Variants in FCN3 observed in about 807,000 individuals in gnomAD.
FCN3 encodes the protein ficolin 3, also known as ficolin-3.
FCN3 carries 28 observed loss-of-function variants against 31.5 expected under a neutral mutation model. The ratio of observed to expected loss-of-function variants is 0.89; its 90% CI spans 0.66 to 1.22. FCN3 has a LOEUF of 1.22. FCN3 is among the 50% of genes most tolerant of loss of function. FCN3 has a pLI of 0.00. For missense variants in FCN3, 351 were observed against 386.8 expected, an observed-to-expected ratio of 0.91 and a Z score of 0.78; for synonymous variants, 124 against 147.4, an observed-to-expected ratio of 0.84 and a Z score of 1.15.
intron 2 of FCN3, 92 bp from the exon 3 acceptor site, chr1:27,374,101 A>T (rs939878899): frequency 1.2e-5 from 14 of 1,160,182 alleles, no homozygotes; most frequent in Non-Finnish European, 1.8e-5. Context: ...TTCAAATCCC[A>T]GTTTCACCCT....
chr1:27,369,596 G>C (rs2016104461), intron 7 of FCN3, 119 bp from the exon 8 acceptor site: 1 of 911,602 alleles, frequency 1.1e-6, no homozygotes, highest in Non-Finnish European at 1.7e-6. Context: ...GGCCCCACGA[G>C]CAACACCAAG....
In FCN3 at chr1:27,373,133, C is replaced by A. The variant is rs746006129; in HGVS notation, c.393+3G>T. On this transcript the variant is annotated splice_donor_region_variant and intron_variant, in intron 5 of 7. Coordinates refer to ENST00000270879, the MANE Select transcript of FCN3 (RefSeq NM_003665.4). ...CCTGTTAGCCCATTTCTCAGACACT[C>A]ACCAGCCAGCCGCCCCCCTCGGTGT... is the stretch of plus-strand genomic sequence containing the variant. 9 of 1,613,354 alleles carry A rather than the reference C, an allele frequency of 5.6e-6. No individual in the cohort carries two copies. The East Asian group carries it at 2.0e-4, about 36-fold the overall frequency.
At position 27,373,523 on chromosome 1, in the gene FCN3, G is replaced by A. The variant is rs891856142; in HGVS notation, c.233-3C>T. 19 of 1,613,900 alleles carry A rather than the reference G, an allele frequency of 1.2e-5. No homozygotes were observed. The highest frequency in any genetic ancestry group is 1.4e-5 in the Non-Finnish European group (17 of 1,179,974). ...CCGGAGCAGGTTCACTGGATCTCCTGCCCCAGAGAAGGGATGAGTGTTGGC... is the reference window on the plus strand; with the variant it reads ...CCGGAGCAGGTTCACTGGATCTCCTACCCCAGAGAAGGGATGAGTGTTGGC... On this transcript the variant is annotated splice_polypyrimidine_tract_variant and splice_region_variant and intron_variant, in intron 3 of 7. Coordinates refer to ENST00000270879, the MANE Select transcript of FCN3 (RefSeq NM_003665.4).
chr1:27,374,328 TCCCAGCCCGCTC>T lies in FCN3; in HGVS notation c.187+16_187+27del, dbSNP rs756753982. The T allele has an allele frequency of 1.0e-5, 16 of 1,537,904 alleles. No individual in the cohort carries two copies. The highest frequency in any genetic ancestry group is 5.5e-5 in the African/African-American group (4 of 73,204). On this transcript the variant is annotated intron_variant, in intron 2 of 7. Transcript: ENST00000270879. ...TTTCCTGCCTTCCCCATTCCCAAGATCCCAGCCCGCTCCCCAGCCCCTCTCACCTTGAGGACC... is the reference window on the plus strand; with the variant it reads ...TTTCCTGCCTTCCCCATTCCCAAGATCCCAGCCCCTCTCACCTTGAGGACC...
intron 7 of FCN3, 54 bp downstream of exon 7, chr1:27,370,542 C>A: frequency 1.3e-6 from 2 of 1,504,938 alleles, no homozygotes; most frequent in South Asian, 1.1e-5. Flanking sequence ...GGGGCAGTGG[C>A]AGCACTGGGA....
In FCN3 at chr1:27,370,639, G is replaced by A. The variant is rs896408264; in HGVS notation, c.615C>T (p.Asp205=). ...ACTTGCCCAGTGCCAGCTGGTAGTG[G>A]TCTACCTCACCGAGGAGGCGGAAGG... is the stretch of plus-strand genomic sequence containing the variant. The part of the protein sequence containing the change: ...YATFRLLGEV[D]HYQLALGKFS... Residue 205 remains aspartate (D), a synonymous_variant, in exon 7 of 8, where the codon GAC becomes GAT. Coordinates refer to ENST00000270879, the MANE Select transcript of FCN3 (RefSeq NM_003665.4). 1 of 1,614,242 alleles carries A rather than the reference G, an allele frequency of 6.2e-7. No homozygotes were observed. The highest frequency in any genetic ancestry group is 8.5e-7 in the Non-Finnish European group (1 of 1,180,048).
At chr1:27,371,525 G>A (rs367623630) in intron 5 of FCN3, among the ~76,000 whole-genome samples, 2 of 151,300 alleles carry the variant, frequency 1.3e-5, no homozygotes, top group Admixed American at 6.6e-5. Flanking sequence ...GCAGTGAGCC[G>A]AGATCACACC....
At position 27,369,375 on chromosome 1, in the gene FCN3, C is replaced by T; in HGVS notation, c.761G>A (p.Trp254Ter). The change falls in exon 8 of 8, where the codon TGG (tryptophan) becomes TAG (stop). Residue 254 changes from tryptophan (W) to a stop codon, truncating the protein, a stop_gained. Coordinates refer to ENST00000270879, the MANE Select transcript of FCN3 (RefSeq NM_003665.4). LOFTEE classifies it low-confidence loss of function (END_TRUNC). The stretch of plus-strand genomic sequence containing the variant: ...ATTTGATCGGTAACAGGATGCATAC[C>T]ACCAGGCACCGTGGACAATCACTGC... ...NCAVIVHGAW[W>*]YASCYRSNLN... is the part of the protein sequence containing the mutation. 1 of 1,614,232 alleles carries T rather than the reference C, an allele frequency of 6.2e-7. No individual in the cohort carries two copies. The highest frequency in any genetic ancestry group is 8.5e-7 in the Non-Finnish European group (1 of 1,180,046).
In FCN3 at chr1:27,374,348, C is replaced by T. The variant is rs961480420; in HGVS notation, c.187+8G>A. The T allele has an allele frequency of 2.5e-6, 4 of 1,601,772 alleles. No individual in the cohort carries two copies. The African/African-American group carries it at 5.4e-5, about 21-fold the overall frequency. On this transcript the variant is annotated splice_region_variant and intron_variant, in intron 2 of 7. Coordinates refer to ENST00000270879, the MANE Select transcript of FCN3 (RefSeq NM_003665.4). ...CAAGATCCCAGCCCGCTCCCCAGCC[C>T]CTCTCACCTTGAGGACCTGGGGCTC... is the stretch of plus-strand genomic sequence containing the variant.
intron 5 of FCN3, among the ~76,000 whole-genome samples, chr1:27,371,705 C>G (rs1002219149): frequency 6.6e-6 from 1 of 152,226 alleles, no homozygotes; most frequent in Non-Finnish European, 1.5e-5. Context: ...GGCCCCAGGT[C>G]CTATAGAGTT....
chr1:27,374,263 T>G, intron 2 of FCN3, 93 bp downstream of exon 2: 1 of 899,256 alleles, frequency 1.1e-6, no homozygotes, highest in Non-Finnish European at 1.8e-6. Flanking sequence ...GGTTCCTTGC[T>G]CCTTTGTCGT....
intron 5 of FCN3, 115 bp downstream of exon 5, chr1:27,373,021 G>T: frequency 7.8e-7 from 1 of 1,279,168 alleles, no homozygotes; most frequent in Non-Finnish European, 1.1e-6. Context: ...CTAAACATTT[G>T]TCAGTGAATT....
intron 4 of FCN3, 76 bp from the exon 5 acceptor site, chr1:27,373,339 TG>T (rs1341860915): frequency 4.4e-6 from 7 of 1,605,634 alleles, no homozygotes; most frequent in Non-Finnish European, 5.1e-6. Context: ...GGAACAAGTG[TG>T]GGACCCTAGG....
chr1:27,369,666 C>T (rs1390629022), intron 7 of FCN3, among the ~76,000 whole-genome samples, 189 bp from the exon 8 acceptor site: 2 of 152,180 alleles, frequency 1.3e-5, no homozygotes, highest in Non-Finnish European at 2.9e-5. Flanking sequence ...GACTTGAACT[C>T]GGGACTGTCT....
chr1:27,371,913 C>T (rs1340674410), intron 5 of FCN3, among the ~76,000 whole-genome samples: 1 of 152,090 alleles, frequency 6.6e-6, no homozygotes, highest in East Asian at 1.9e-4. Context: ...GCACCTGCCA[C>T]CACGCCCAGC....
intron 3 of FCN3, 166 bp from the exon 4 acceptor site, chr1:27,373,686 C>A: frequency 1.4e-6 from 1 of 725,046 alleles, no homozygotes; most frequent in Non-Finnish European, 2.4e-6. Flanking sequence ...TTCTCCTAAT[C>A]CTCTCCACTC....
chr1:27,373,299 G>A, intron 4 of FCN3, 36 bp from the exon 5 acceptor site: 1 of 1,612,824 alleles, frequency 6.2e-7, no homozygotes, highest in East Asian at 2.2e-5. Context: ...TGGTGCCCAG[G>A]TTATTCCCTG....
In FCN3 at chr1:27,369,485, G is replaced by A; in HGVS notation, c.659-8C>T. On this transcript the variant is annotated splice_polypyrimidine_tract_variant and splice_region_variant and intron_variant, in intron 7 of 7. Coordinates refer to ENST00000270879, the MANE Select transcript of FCN3 (RefSeq NM_003665.4). ...GGAGGCTCAGGGAATCCCCTAGCAG[G>A]GAAGGGATGGAAAGCACCTTGGTGC... 1.2e-6 allele frequency: 2 copies of A among 1,612,164 alleles called. No homozygotes were observed. Among genetic ancestry groups the A allele is most frequent in the Non-Finnish European group, 1.7e-6 (2 of 1,178,362 alleles).
intron 2 of FCN3, 98 bp from the exon 3 acceptor site, chr1:27,374,107 A>T: frequency 9.0e-7 from 1 of 1,110,814 alleles, no homozygotes; most frequent in South Asian, 1.3e-5. Flanking sequence ...TCCCAGTTTC[A>T]CCCTTCACTC....
Sources: gnomAD v4.1 joint callset for allele counts (sites outside exome capture counted in the v4.1 genomes callset) on GRCh38, gnomAD v4.1.1 for gene constraint, MANE v1.5 for transcripts, NCBI Gene and HGNC (gene_info 2026-07-23, HGNC 2026-07-21) for gene names.